Variants in TSEN15 observed in about 807,000 individuals in gnomAD.
TSEN15 encodes tRNA splicing endonuclease subunit 15, also known as tRNA-splicing endonuclease subunit Sen15.
Under a neutral mutation model 20.5 loss-of-function variants are expected in TSEN15, and 10 were observed. The observed-to-expected ratio is 0.49, with a 90% CI of 0.30 to 0.83. TSEN15 has a LOEUF of 0.83. Ranked by LOEUF, TSEN15 falls within the 40% of genes least tolerant of loss-of-function variation. TSEN15 has a pLI of 0.06. For missense variants in TSEN15, 180 were observed against 218.6 expected (o/e 0.82, Z 1.11); for synonymous variants, 72 against 80.1 (o/e 0.90, Z 0.54).
chr1:184,096,003 C>T (rs1651442883), exon 4 of TSEN15: 2 of 343,794 alleles, frequency 5.8e-6, no homozygotes, highest in African/African-American at 2.1e-5. Flanking sequence ...GTTATTGCTT[C>T]TAATAAAACA....
chr1:184,062,733 G>A (rs1557881054), intron 3 of TSEN15, among the ~76,000 whole-genome samples: 1 of 151,832 alleles, frequency 6.6e-6, no homozygotes, highest in African/African-American at 2.4e-5. Context: ...TTTAACTACT[G>A]GTAGGGTTTT....
intron 3 of TSEN15, among the ~76,000 whole-genome samples, chr1:184,068,920 A>G (rs931424513): frequency 6.6e-6 from 1 of 152,206 alleles, no homozygotes; most frequent in African/African-American, 2.4e-5. Context: ...TTAACCCATG[A>G]TACATTCTAT....
chr1:184,054,500 G>C lies in TSEN15; in HGVS notation c.217+65G>C, dbSNP rs1321060181. ...GGTAGAGATTTGGGGGGTTGGATTG[G>C]GATATAGCATTCTTAACATAATAAG... On this transcript the variant is annotated intron_variant, in intron 2 of 4. Transcript: ENST00000645668. 7 of 1,309,706 alleles carry C rather than the reference G, an allele frequency of 5.3e-6. No individual in the cohort carries two copies. The African/African-American group carries it at 8.8e-5, about 17-fold the overall frequency. The allele number at this position is 1,309,706 out of a possible 1,614,324, so 81.1% of individuals were successfully genotyped here. A position where few individuals can be genotyped will look rare whatever the true frequency, so the allele number is the denominator to read the frequency against.
At chr1:184,080,312 G>C (rs1039516722) in intron 3 of TSEN15, among the ~76,000 whole-genome samples, 3 of 152,168 alleles carry the variant, frequency 2.0e-5, no homozygotes, top group African/African-American at 7.2e-5. Flanking sequence ...TCATAAGATA[G>C]AGAAATTAGG....
intron 1 of TSEN15, among the ~76,000 whole-genome samples, chr1:184,053,868 C>T (rs184622419): frequency 6.6e-6 from 1 of 152,342 alleles, no homozygotes; most frequent in Admixed American, 6.5e-5. Flanking sequence ...CATGTCCCAT[C>T]ACAAGTTTTA....
intron 3 of TSEN15, among the ~76,000 whole-genome samples, chr1:184,084,808 C>T (rs1340912135): frequency 6.6e-6 from 1 of 151,966 alleles, no homozygotes. Context: ...TCTTAAATAT[C>T]CCACCTGTTA....
exon 4 of TSEN15, chr1:184,095,909 C>G (rs889991355): frequency 2.5e-6 from 1 of 395,290 alleles, no homozygotes; most frequent in Non-Finnish European, 4.5e-6. Context: ...TTTGGTACAG[C>G]AGCAGGCACA....
In TSEN15 at chr1:184,051,904, A is replaced by G; in HGVS notation, c.135+14A>G. On this transcript the variant is annotated intron_variant, in intron 1 of 4. Coordinates refer to ENST00000645668, the MANE Select transcript of TSEN15 (RefSeq NM_052965.4). ...ACTCACCCTAAGGTCAGGAGGCGCG[A>G]GAGGAGCAGGGCGCCGTCCAGGCCC... 2.6e-6 allele frequency: 4 copies of G among 1,528,030 alleles called. No individual in the cohort carries two copies. Among genetic ancestry groups the G allele is most frequent in the Non-Finnish European group, 3.5e-6 (4 of 1,135,264 alleles). 94.7% of individuals were successfully genotyped at this position (1,528,030 alleles called of 1,614,324 possible).
intron 3 of TSEN15, chr1:184,093,877 A>G (rs780910150): frequency 6.6e-6 from 1 of 152,194 alleles, no homozygotes; most frequent in Non-Finnish European, 1.5e-5. Flanking sequence ...GAAACTATTT[A>G]TAGGCTTTAC....
intron 3 of TSEN15, among the ~76,000 whole-genome samples, chr1:184,085,969 A>G (rs1651254918): frequency 6.6e-6 from 1 of 152,190 alleles, no homozygotes; most frequent in Non-Finnish European, 1.5e-5. Context: ...GGAATGCAAA[A>G]CTGTATATGA....
Position 184,054,435 on chromosome 1 carries a change from AGTAAGTT to A in TSEN15, c.217+3_217+9del. On this transcript the variant is annotated splice_donor_variant and splice_donor_5th_base_variant and intron_variant, in intron 2 of 4. Coordinates refer to ENST00000645668, the MANE Select transcript of TSEN15 (RefSeq NM_052965.4). LOFTEE classifies it high-confidence loss of function. ...CTTGGTTTACCTGGACCTCATGGAA[AGTAAGTT>A]GTTTGTTTATATTGTTTTGTTATTG... The A allele has an allele frequency of 6.2e-7, 1 of 1,607,056 alleles. No individual in the cohort carries two copies. Among genetic ancestry groups the A allele is most frequent in the Non-Finnish European group, 8.5e-7 (1 of 1,173,976 alleles).
intron 3 of TSEN15, chr1:184,070,642 G>A: frequency 1.1e-5 from 14 of 1,288,982 alleles, no homozygotes; most frequent in Non-Finnish European, 1.4e-5. Flanking sequence ...TTTGAAGAAG[G>A]AAAATACTTA....
intron 3 of TSEN15, among the ~76,000 whole-genome samples, chr1:184,079,967 G>A (rs768316452): frequency 1.3e-5 from 2 of 152,126 alleles, no homozygotes; most frequent in Non-Finnish European, 2.9e-5. Flanking sequence ...AGTGTATAAA[G>A]TTTGTGTAGT....
At chr1:184,075,908 ATATT>A (rs1651051911), downstream of TSEN15, among the ~76,000 whole-genome samples, 3 of 99,488 alleles carry the variant, frequency 3.0e-5, no homozygotes, top group African/African-American at 8.2e-5. Flanking sequence ...ATATATATAT[ATATT>A]TTTTTTTTTC....
chr1:184,053,650 T>G (rs1650133203), intron 1 of TSEN15, among the ~76,000 whole-genome samples: 1 of 152,128 alleles, frequency 6.6e-6, no homozygotes, highest in Non-Finnish European at 1.5e-5. Context: ...GCCTCAGAAT[T>G]CTCCTGCAGG....
intron 3 of TSEN15, among the ~76,000 whole-genome samples, chr1:184,062,009 A>G (rs1262529014): frequency 6.6e-6 from 1 of 152,178 alleles, no homozygotes; most frequent in East Asian, 1.9e-4. Flanking sequence ...AAGTTTCAGA[A>G]GGTCTTGTGT....
rs182382337 is a variant in TSEN15, at chr1:184,061,062, A to T, written c.353+6199A>T. On this transcript the variant is annotated intron_variant, in intron 3 of 4. Coordinates refer to ENST00000645668, the MANE Select transcript of TSEN15 (RefSeq NM_052965.4). ...TTATAGTAATAATGGGCTTTGGCCC[A>T]TATATTGTTCCCAGGACCTCTTAGT... Among the ~76,000 whole-genome samples, 75 of 152,248 alleles carry T rather than the reference A, an allele frequency of 4.9e-4. 1 individual carries two copies. In the East Asian group the frequency reaches 0.014, roughly 28 times the overall value.
intron 3 of TSEN15, among the ~76,000 whole-genome samples, chr1:184,062,211 T>G (rs1168054584): frequency 1.3e-5 from 2 of 152,134 alleles, no homozygotes; most frequent in Non-Finnish European, 2.9e-5. Context: ...AAAATAATTT[T>G]TAGTTTGCAT....
intron 3 of TSEN15, among the ~76,000 whole-genome samples, chr1:184,087,731 T>G (rs1181096412): frequency 6.6e-6 from 1 of 152,186 alleles, no homozygotes; most frequent in Admixed American, 6.5e-5. Flanking sequence ...CATGACCATT[T>G]GGATGTGAGA....
Sources: gnomAD v4.1 joint callset for allele counts (sites outside exome capture counted in the v4.1 genomes callset) on GRCh38, gnomAD v4.1.1 for gene constraint, MANE v1.5 for transcripts, NCBI Gene and HGNC (gene_info 2026-07-23, HGNC 2026-07-21) for gene names.